Variants in MAGEA12 observed in about 807,000 individuals in gnomAD.
MAGEA12 encodes the protein melanoma-associated antigen 12.
For missense variants in MAGEA12, 235 were observed against 240.1 expected, an observed-to-expected ratio of 0.98 and a Z score of 0.14; for synonymous variants, 135 against 104.7, an observed-to-expected ratio of 1.29 and a Z score of -1.77.
Position 152,736,675 on chromosome X carries a change from A to T in MAGEA12, c.514A>T (p.Ile172Phe), listed in dbSNP as rs142362816. 2.0e-3 allele frequency: 2,457 copies of T among 1,210,328 alleles called. 4 individuals are homozygous for T. Among genetic ancestry groups the T allele is most frequent in the Non-Finnish European group, 2.5e-3 (2,214 of 895,330 alleles). The change falls in exon 3 of 3, where the codon ATC (isoleucine) becomes TTC (phenylalanine). Residue 172 changes from isoleucine to phenylalanine, a missense_variant. Transcript: ENST00000393869. ...CATCGAGGTGGTGGAAGTGGTCCGC[A>T]TCGGCCACTTGTACATCCTTGTCAC... ...FGIEVVEVVRIGHLYILVTCL... is the reference protein window; with the variant it reads ...FGIEVVEVVRFGHLYILVTCL...
Position 152,736,426 on chromosome X carries a change from A to G in MAGEA12, c.265A>G (p.Asn89Asp). The change falls in exon 3 of 3, where the codon AAC becomes GAC. Residue 89 changes from asparagine to aspartate, a missense_variant. Coordinates refer to ENST00000393869, the MANE Select transcript of MAGEA12 (RefSeq NM_001166387.4). ...GAGTCAATCCGATGAGGGCTCCAGC[A>G]ACGAAGAACAGGAAGGGCCAAGCAC... ...LWSQSDEGSS[N>D]EEQEGPSTFP... The G allele has an allele frequency of 1.7e-6, 2 of 1,211,703 alleles. No individual in the cohort carries two copies. The highest frequency in any genetic ancestry group is 2.2e-6 in the Non-Finnish European group (2 of 895,471).
In MAGEA12 at chrX:152,736,558, G is replaced by A; in HGVS notation, c.397G>A (p.Ala133Thr). ...TCGAGCCAGGGAGCCATTCACAAAG[G>A]CAGAAATGCTGGGGAGTGTCATCAG... is the stretch of plus-strand genomic sequence containing the variant. ...KYRAREPFTK[A>T]EMLGSVIRNF... is the part of the protein sequence containing the mutation. Residue 133 changes from alanine (A) to threonine (T), a missense_variant, in exon 3 of 3, where the codon GCA becomes ACA. Ala to Thr is a moderately conservative substitution (Grantham distance 58). Coordinates refer to ENST00000393869, the MANE Select transcript of MAGEA12 (RefSeq NM_001166387.4). The A allele has an allele frequency of 8.3e-7, 1 of 1,211,919 alleles. No individual in the cohort carries two copies. Among genetic ancestry groups the A allele is most frequent in the South Asian group, 1.8e-5 (1 of 56,971 alleles).
intron 2 of MAGEA12, among the ~76,000 whole-genome samples, chrX:152,735,766 C>T (rs1351197072): frequency 8.9e-6 from 1 of 112,149 alleles, no homozygotes; most frequent in Non-Finnish European, 1.9e-5. Context: ...CTGGCCGACC[C>T]TCCTGACAAT....
Position 152,736,350 on chromosome X carries a change from C to T in MAGEA12, c.189C>T (p.His63=), listed in dbSNP as rs1402728386. The change falls in exon 3 of 3, where the codon CAC becomes CAT. Residue 63 remains histidine, a synonymous_variant. Transcript: ENST00000393869. ...VPAAESPSPP[H]SPQGASTLPT... is the part of the protein sequence containing the mutation. ...CTGCCGAGTCACCAAGTCCTCCCCACAGTCCTCAGGGAGCCTCCACCCTCC... is the reference window on the plus strand; with the variant it reads ...CTGCCGAGTCACCAAGTCCTCCCCATAGTCCTCAGGGAGCCTCCACCCTCC... The T allele has an allele frequency of 7.4e-6, 9 of 1,209,346 alleles. No individual in the cohort carries two copies. Among genetic ancestry groups the T allele is most frequent in the Non-Finnish European group, 1.0e-5 (9 of 894,991 alleles).
chrX:152,734,434 A>T (rs1603456807), intron 1 of MAGEA12, among the ~76,000 whole-genome samples: 1 of 111,222 alleles, frequency 9.0e-6, no homozygotes, highest in East Asian at 2.9e-4. Context: ...CTCCTGGAAG[A>T]TAATGGAGTC....
At position 152,736,412 on chromosome X, in the gene MAGEA12, A is replaced by G. The variant is rs1603456769; in HGVS notation, c.251A>G (p.Asp84Gly). 1.7e-6 allele frequency: 2 copies of G among 1,209,618 alleles called. No individual in the cohort carries two copies. Among genetic ancestry groups the G allele is most frequent in the Middle Eastern group, 4.6e-4 (2 of 4,351 alleles). The change falls in exon 3 of 3, where the codon GAT becomes GGT. Residue 84 changes from aspartate to glycine, a missense_variant. By Grantham distance (94) the Asp-to-Gly change is moderately conservative. Coordinates refer to ENST00000393869, the MANE Select transcript of MAGEA12 (RefSeq NM_001166387.4). The part of the protein sequence containing the change: ...TINYTLWSQS[D>G]EGSSNEEQEG... ...AACTATACTCTCTGGAGTCAATCCG[A>G]TGAGGGCTCCAGCAACGAAGAACAG...
intron 1 of MAGEA12, among the ~76,000 whole-genome samples, chrX:152,734,846 T>A (rs149998108): frequency 3.0e-3 from 336 of 112,339 alleles, no homozygotes; most frequent in Non-Finnish European, 3.8e-3. Flanking sequence ...TGCCACAGAG[T>A]CTGGCTGTCC....
chrX:152,737,261 T>C lies in MAGEA12; in HGVS notation c.*155T>C, dbSNP rs1385277570. ...GTCAGTATTGTTAGTAGTGAGTTTCTGTTCTATTGGATGACTTTGAGATTT... is the reference window on the plus strand; with the variant it reads ...GTCAGTATTGTTAGTAGTGAGTTTCCGTTCTATTGGATGACTTTGAGATTT... On this transcript the variant is annotated 3_prime_UTR_variant, in exon 3 of 3. Transcript: ENST00000393869. 1.7e-6 allele frequency: 1 copy of C among 599,939 alleles called. No homozygotes were observed. The highest frequency in any genetic ancestry group is 2.2e-5 in the African/African-American group (1 of 45,238). The allele number at this position is 599,939 out of a possible 1,213,427, so 49.4% of individuals were successfully genotyped here. A position where few individuals can be genotyped will look rare whatever the true frequency, so the allele number is the denominator to read the frequency against.
chrX:152,734,501 G>A (rs1556226820), intron 1 of MAGEA12, among the ~76,000 whole-genome samples: 1 of 111,302 alleles, frequency 9.0e-6, no homozygotes, highest in Non-Finnish European at 1.9e-5. Context: ...CTCAAACTGA[G>A]CCACCTTTTC....
chrX:152,734,881 C>G (rs57003344), intron 1 of MAGEA12, among the ~76,000 whole-genome samples: 27,473 of 111,751 alleles, frequency 0.25, 3,010 homozygotes, highest in Non-Finnish European at 0.35. Context: ...TAAGGGAACC[C>G]GATCAGAGAT....
At position 152,736,611 on chromosome X, in the gene MAGEA12, C is replaced by A. The variant is rs1932331323; in HGVS notation, c.450C>A (p.Ile150=). The part of the protein sequence containing the change: ...IRNFQDFFPV[I]FSKASEYLQL... ...ATTTCCAGGACTTCTTTCCTGTGAT[C>A]TTCAGCAAAGCCTCCGAGTACTTGC... The change falls in exon 3 of 3, where the codon ATC becomes ATA. Residue 150 remains isoleucine, a synonymous_variant. Coordinates refer to ENST00000393869, the MANE Select transcript of MAGEA12 (RefSeq NM_001166387.4). 2 of 1,210,103 alleles carry A rather than the reference C, an allele frequency of 1.7e-6. No individual in the cohort carries two copies. Among genetic ancestry groups the A allele is most frequent in the Non-Finnish European group, 2.2e-6 (2 of 895,312 alleles).
At chrX:152,735,818 C>T (rs1248632702) in intron 2 of MAGEA12, among the ~76,000 whole-genome samples, 1 of 111,858 alleles carries the variant, frequency 8.9e-6, no homozygotes, top group Non-Finnish European at 1.9e-5. Flanking sequence ...CACCCTGAGG[C>T]CCATGGATTC....
chrX:152,736,094 G>C lies in MAGEA12; in HGVS notation c.-68G>C. The C allele has an allele frequency of 8.9e-7, 1 of 1,120,462 alleles. No individual in the cohort carries two copies. Among genetic ancestry groups the C allele is most frequent in the South Asian group, 2.0e-5 (1 of 49,173 alleles). 92.3% of individuals were successfully genotyped at this position (1,120,462 alleles called of 1,213,427 possible). A position where few individuals can be genotyped will look rare whatever the true frequency, so the allele number is the denominator to read the frequency against. On this transcript the variant is annotated 5_prime_UTR_variant, in exon 3 of 3. Transcript: ENST00000393869. Reference sequence around the variant, plus strand: ...TCTCACTTGTTCCTTCAGGTTCTGAGGAGACAGGCCCCGGAGCAGCACTAG... The same window carrying C: ...TCTCACTTGTTCCTTCAGGTTCTGACGAGACAGGCCCCGGAGCAGCACTAG...
rs782149495 is a variant in MAGEA12, at chrX:152,736,167, A to T, written c.6A>T (p.Pro2=). The T allele has an allele frequency of 9.1e-6, 11 of 1,211,060 alleles. No homozygotes were observed. In the East Asian group the frequency reaches 1.8e-4, roughly 20 times the overall value. Residue 2 remains proline (P), a synonymous_variant, in exon 3 of 3, where the codon CCA becomes CCT. Transcript: ENST00000393869. The part of the protein sequence containing the change: M[P]LEQRSQHCKP... Reference sequence around the variant, plus strand: ...CTGCCCTGACCAGAGTCATCATGCCACTTGAGCAGAGGAGTCAGCACTGCA... The same window carrying T: ...CTGCCCTGACCAGAGTCATCATGCCTCTTGAGCAGAGGAGTCAGCACTGCA...
intron 2 of MAGEA12, among the ~76,000 whole-genome samples, chrX:152,735,484 G>C (rs1241178270): frequency 8.9e-6 from 1 of 111,915 alleles, no homozygotes; most frequent in East Asian, 2.8e-4. Flanking sequence ...CAGGAGTAGT[G>C]GTGAGGACCA....
In MAGEA12 at chrX:152,737,234, C is replaced by G; in HGVS notation, c.*128C>G. 7.3e-6 allele frequency: 5 copies of G among 688,855 alleles called. No individual in the cohort carries two copies. Among genetic ancestry groups the G allele is most frequent in the Non-Finnish European group, 9.2e-6 (4 of 432,769 alleles). 56.8% of individuals were successfully genotyped at this position (688,855 alleles called of 1,213,427 possible). A position where few individuals can be genotyped will look rare whatever the true frequency, so the allele number is the denominator to read the frequency against. On this transcript the variant is annotated 3_prime_UTR_variant, in exon 3 of 3. Coordinates refer to ENST00000393869, the MANE Select transcript of MAGEA12 (RefSeq NM_001166387.4). ...CCCATTCTTCACTCTTTGAAGAGAG[C>G]AGTCAGTATTGTTAGTAGTGAGTTT...
rs73629840 is a variant in MAGEA12 at position 152,737,484 on chromosome X, G to T, written c.*378G>T. The stretch of plus-strand genomic sequence containing the variant: ...GTGACAAATAACAGCAGTGGAAAAA[G>T]TATGTGCTTAGAATTGTGAAAGAAT... On this transcript the variant is annotated 3_prime_UTR_variant, in exon 3 of 3. Coordinates refer to ENST00000393869, the MANE Select transcript of MAGEA12 (RefSeq NM_001166387.4). 5.2e-5 allele frequency: 16 copies of T among 309,792 alleles called. No individual in the cohort carries two copies. Among genetic ancestry groups the T allele is most frequent in the South Asian group, 4.9e-4 (14 of 28,789 alleles). The allele number at this position is 309,792 out of a possible 1,213,427, so 25.5% of individuals were successfully genotyped here. A position where few individuals can be genotyped will look rare whatever the true frequency, so the allele number is the denominator to read the frequency against.
Position 152,736,672 on chromosome X carries a change from C to T in MAGEA12, c.511C>T (p.Arg171Cys), listed in dbSNP as rs782340637. The T allele has an allele frequency of 2.0e-5, 24 of 1,210,128 alleles. No individual in the cohort carries two copies. In the African/African-American group the frequency reaches 2.3e-4, roughly 11 times the overall value. ...TGGCATCGAGGTGGTGGAAGTGGTC[C>T]GCATCGGCCACTTGTACATCCTTGT... is the stretch of plus-strand genomic sequence containing the variant. ...VFGIEVVEVV[R>C]IGHLYILVTC... Residue 171 changes from arginine to cysteine, a missense_variant, in exon 3 of 3, where the codon CGC becomes TGC. Coordinates refer to ENST00000393869, the MANE Select transcript of MAGEA12 (RefSeq NM_001166387.4).
intron 2 of MAGEA12, 44 bp from the exon 3 acceptor site, chrX:152,736,043 C>T (rs1932311526): frequency 1.3e-6 from 1 of 758,381 alleles, no homozygotes; most frequent in Non-Finnish European, 1.9e-6. Context: ...TCAGCATGTG[C>T]TGGCCGGCTG....
Sources: gnomAD v4.1 joint callset for allele counts (sites outside exome capture counted in the v4.1 genomes callset) on GRCh38, gnomAD v4.1.1 for gene constraint, MANE v1.5 for transcripts, NCBI Gene and HGNC (gene_info 2026-07-23, HGNC 2026-07-21) for gene names.